Variants in FILIP1L observed in about 807,000 individuals in gnomAD.
FILIP1L encodes filamin A interacting protein 1 like.
A neutral mutation model predicts 96.6 loss-of-function variants in FILIP1L; 55 were observed. The ratio of observed to expected loss-of-function variants is 0.57; its 90% confidence interval spans 0.46 to 0.71. The LOEUF is 0.71. Among genes scored for constraint, FILIP1L ranks in the 30% least tolerant of loss-of-function variants. The pLI, the probability that FILIP1L is intolerant of heterozygous loss-of-function variation, is 0.00. For missense variants in FILIP1L, 1,304 were observed against 1,321.2 expected, an observed-to-expected ratio of 0.99 and a Z score of 0.20; for synonymous variants, 467 against 473.9, an observed-to-expected ratio of 0.99 and a Z score of 0.19.
intron 5 of FILIP1L, among the ~76,000 whole-genome samples, chr3:99,841,108 G>C (rs1292519703): frequency 6.6e-6 from 1 of 152,240 alleles, no homozygotes; most frequent in Non-Finnish European, 1.5e-5. Flanking sequence ...TTGATCGATT[G>C]TGTACATGTG....
At chr3:99,836,963 G>A (rs1942925005) in intron 5 of FILIP1L, among the ~76,000 whole-genome samples, 1 of 152,180 alleles carries the variant, frequency 6.6e-6, no homozygotes, top group African/African-American at 2.4e-5. Context: ...TTCCTTATTG[G>A]CAGTCTGAGA....
chr3:100,062,935 G>A (rs2065599085), intron 1 of FILIP1L, among the ~76,000 whole-genome samples: 1 of 152,176 alleles, frequency 6.6e-6, no homozygotes, highest in Admixed American at 6.5e-5. Context: ...TAATCTCTCT[G>A]AGCCAGCAGA....
intron 1 of FILIP1L, among the ~76,000 whole-genome samples, chr3:100,047,254 A>G (rs1266842808): frequency 6.6e-6 from 1 of 152,206 alleles, no homozygotes; most frequent in Admixed American, 6.5e-5. Flanking sequence ...TTTTGAGAAC[A>G]ATATATCTTT....
At chr3:99,934,654 C>T (rs914125557) in intron 1 of FILIP1L, among the ~76,000 whole-genome samples, 5 of 152,082 alleles carry the variant, frequency 3.3e-5, no homozygotes, top group African/African-American at 1.2e-4. Context: ...TAAGTAGTGC[C>T]CTTTTAGCTT....
intron 1 of FILIP1L, among the ~76,000 whole-genome samples, chr3:100,051,783 C>T (rs997774186): frequency 1.3e-5 from 2 of 150,816 alleles, no homozygotes; most frequent in African/African-American, 4.9e-5. Flanking sequence ...GGTTCCAAGT[C>T]TTTGCTATTG....
intron 1 of FILIP1L, among the ~76,000 whole-genome samples, chr3:100,064,526 T>C (rs575015045): frequency 6.6e-6 from 1 of 152,332 alleles, no homozygotes; most frequent in South Asian, 2.1e-4. Flanking sequence ...TTTTCATTCT[T>C]TATGTTTTGA....
chr3:100,040,583 A>G (rs1187333964), intron 1 of FILIP1L: 3 of 152,324 alleles, frequency 2.0e-5, no homozygotes, highest in East Asian at 1.9e-4. Context: ...TAGATGATTA[A>G]TAGACTGAAC....
At chr3:100,020,665 T>C (rs1157903145) in intron 1 of FILIP1L, among the ~76,000 whole-genome samples, 1 of 152,182 alleles carries the variant, frequency 6.6e-6, no homozygotes, top group Non-Finnish European at 1.5e-5. Flanking sequence ...AAAAAGTGTT[T>C]ATTTTTAGTG....
chr3:99,877,424 T>G (rs1338633575), intron 4 of FILIP1L, among the ~76,000 whole-genome samples: 1 of 152,180 alleles, frequency 6.6e-6, no homozygotes, highest in East Asian at 1.9e-4. Flanking sequence ...GGAATAAAGA[T>G]GCAGGGCACA....
chr3:99,955,322 A>G lies in FILIP1L; in HGVS notation c.-10-24292T>C, dbSNP rs115091573. On this transcript the variant is annotated intron_variant, in intron 1 of 5. Coordinates refer to ENST00000477258, the MANE Select transcript of FILIP1L (RefSeq NM_001387850.1). Reference sequence around the variant, plus strand: ...GAGTTGTAAATGACAAGGAGTATAAACAGAGACCTACGGAATATTTGTTTC... The same window carrying G: ...GAGTTGTAAATGACAAGGAGTATAAGCAGAGACCTACGGAATATTTGTTTC... 3.0e-3 allele frequency among the ~76,000 whole-genome samples: 451 copies of G among 152,378 alleles called. 2 individuals carry two copies. Among genetic ancestry groups the G allele is most frequent in the African/African-American group, 0.011 (437 of 41,594 alleles).
chr3:99,842,317 C>T (rs1042459629), intron 5 of FILIP1L, among the ~76,000 whole-genome samples: 1 of 152,132 alleles, frequency 6.6e-6, no homozygotes, highest in African/African-American at 2.4e-5. Flanking sequence ...ATACAGTGCA[C>T]TCTGGGGACT....
chr3:99,907,506 C>A (rs1397132560), intron 4 of FILIP1L, among the ~76,000 whole-genome samples: 1 of 152,182 alleles, frequency 6.6e-6, no homozygotes, highest in African/African-American at 2.4e-5. Context: ...CTCGGCCTCC[C>A]AAAGTGCTGG....
intron 1 of FILIP1L, among the ~76,000 whole-genome samples, chr3:99,985,759 T>A (rs1313376819): frequency 6.6e-6 from 1 of 152,134 alleles, no homozygotes; most frequent in Non-Finnish European, 1.5e-5. Flanking sequence ...CAGCTGGTTT[T>A]TGTATTTTTA....
In FILIP1L at chr3:99,980,760, A is replaced by G. The variant is rs140883278; in HGVS notation, c.-10-49730T>C. Among the ~76,000 whole-genome samples, 665 of 152,244 alleles carry G rather than the reference A, an allele frequency of 4.4e-3. 7 individuals carry two copies. The highest frequency in any genetic ancestry group is 0.016 in the African/African-American group (652 of 41,542). ...TTCTCACTGTTATCCGTTCTGCATT[A>G]TTATTAGTTACAGGTGTGACTTGTT... is the stretch of plus-strand genomic sequence containing the variant. On this transcript the variant is annotated intron_variant, in intron 1 of 5. Coordinates refer to ENST00000477258, the MANE Select transcript of FILIP1L (RefSeq NM_001387850.1).
intron 4 of FILIP1L, among the ~76,000 whole-genome samples, chr3:99,886,577 G>A (rs1447750097): frequency 6.6e-6 from 1 of 151,998 alleles, no homozygotes; most frequent in Non-Finnish European, 1.5e-5. Flanking sequence ...GGGGTAGATA[G>A]AACAAACAAA....
intron 3 of FILIP1L, among the ~76,000 whole-genome samples, chr3:99,926,378 G>A (rs1707293645): frequency 6.6e-6 from 1 of 152,220 alleles, no homozygotes. Flanking sequence ...TGCTGGCAGA[G>A]GCATCTTCTG....
intron 4 of FILIP1L, among the ~76,000 whole-genome samples, chr3:99,852,392 C>T (rs569397316): frequency 4.6e-5 from 7 of 152,260 alleles, no homozygotes; most frequent in Non-Finnish European, 8.8e-5. Flanking sequence ...ATCCTTATCA[C>T]AGAACTTACT....
intron 1 of FILIP1L, chr3:100,023,234 G>A (rs923342808): frequency 2.6e-5 from 4 of 152,374 alleles, no homozygotes; most frequent in Non-Finnish European, 5.9e-5. Context: ...AATTCTCCCA[G>A]TTTAGCCACC....
intron 1 of FILIP1L, among the ~76,000 whole-genome samples, chr3:99,951,683 T>A (rs569983173): frequency 6.6e-6 from 1 of 152,302 alleles, no homozygotes; most frequent in South Asian, 2.1e-4. Flanking sequence ...CCACCTTATG[T>A]CTCTTCCCTA....
Sources: gnomAD v4.1 joint callset for allele counts (sites outside exome capture counted in the v4.1 genomes callset) on GRCh38, gnomAD v4.1.1 for gene constraint, MANE v1.5 for transcripts, NCBI Gene and HGNC (gene_info 2026-07-23, HGNC 2026-07-21) for gene names.